The following CACNG3 variants were observed in gnomAD, a reference collection of about 807,000 sequenced individuals.
The protein encoded by CACNG3 is voltage-dependent calcium channel gamma-3 subunit.
Under a neutral mutation model 28.5 loss-of-function variants are expected in CACNG3, and 3 were observed. That is an observed-to-expected ratio of 0.11 (90% CI 0.05 to 0.27). CACNG3 has a LOEUF of 0.27. Ranked by LOEUF, CACNG3 falls within the 10% of genes least tolerant of loss-of-function variation. The pLI is 1.00. For missense variants in CACNG3, 236 were observed against 414.4 expected (o/e 0.57, Z 3.74); for synonymous variants, 174 against 162.2 (o/e 1.07, Z -0.55).
At chr16:24,263,519 A>G (rs78807512) in intron 1 of CACNG3, among the ~76,000 whole-genome samples, 1,530 of 152,330 alleles carry the variant, frequency 0.01, 29 homozygotes, top group African/African-American at 0.036. Flanking sequence ...GCCACAGCAC[A>G]CTTTTTCAAT....
chr16:24,348,424 G>T (rs9934737), intron 2 of CACNG3, among the ~76,000 whole-genome samples: 3 of 152,036 alleles, frequency 2.0e-5, no homozygotes, highest in African/African-American at 7.2e-5. Context: ...CTGGCTACAC[G>T]GTGTGGAGGA....
At chr16:24,314,355 G>A (rs188422739) in intron 1 of CACNG3, among the ~76,000 whole-genome samples, 8 of 152,224 alleles carry the variant, frequency 5.3e-5, no homozygotes, top group Admixed American at 1.3e-4. Context: ...GGCAGAAGTC[G>A]CAGCTTCTTA....
At chr16:24,299,754 C>T (rs1899081243) in intron 1 of CACNG3, among the ~76,000 whole-genome samples, 1 of 152,106 alleles carries the variant, frequency 6.6e-6, no homozygotes, top group African/African-American at 2.4e-5. Context: ...TGACGTGGTT[C>T]ATTCTAGCTT....
chr16:24,272,089 TTCTC>T (rs202023548), intron 1 of CACNG3, among the ~76,000 whole-genome samples: 1 of 150,710 alleles, frequency 6.6e-6, no homozygotes, highest in Non-Finnish European at 1.5e-5. Flanking sequence ...ATTATACATT[TTCTC>T]TCTCTCTTTT....
chr16:24,355,034 T>C, intron 3 of CACNG3, 61 bp downstream of exon 3: 2 of 1,538,214 alleles, frequency 1.3e-6, no homozygotes, highest in Non-Finnish European at 1.8e-6. Context: ...CAGGGCCACA[T>C]GGAGGAAGCA....
chr16:24,352,620 C>T (rs1899967610), intron 2 of CACNG3, among the ~76,000 whole-genome samples: 1 of 151,560 alleles, frequency 6.6e-6, no homozygotes, highest in South Asian at 2.1e-4. Flanking sequence ...CTCACTGTAG[C>T]CTCTGCCTCC....
At chr16:24,269,774 G>GAAGA (rs541843152) in intron 1 of CACNG3, among the ~76,000 whole-genome samples, 1 of 132,308 alleles carries the variant, frequency 7.6e-6, no homozygotes, top group Non-Finnish European at 1.6e-5. Context: ...AAAAGAGAAA[G>GAAGA]AAGAAAGAAA....
chr16:24,293,930 A>C (rs1350195263), intron 1 of CACNG3, among the ~76,000 whole-genome samples: 1 of 152,170 alleles, frequency 6.6e-6, no homozygotes, highest in African/African-American at 2.4e-5. Context: ...TGAATCTTCT[A>C]GACCCACATA....
chr16:24,269,801 AAGAAAG>A (rs1255985769), intron 1 of CACNG3, among the ~76,000 whole-genome samples: 1 of 150,392 alleles, frequency 6.6e-6, no homozygotes, highest in Non-Finnish European at 1.5e-5. Flanking sequence ...GAAAGAAAGA[AAGAAAG>A]AGAAAGAAAG....
intron 1 of CACNG3, among the ~76,000 whole-genome samples, chr16:24,317,581 A>G (rs557276291): frequency 7.9e-5 from 5 of 63,138 alleles, no homozygotes; most frequent in Non-Finnish European, 1.5e-4. Flanking sequence ...AAAGAAAGAA[A>G]GAAAGAAAGA....
intron 1 of CACNG3, among the ~76,000 whole-genome samples, chr16:24,283,399 T>C (rs1898855173): frequency 6.6e-6 from 1 of 152,196 alleles, no homozygotes; most frequent in Admixed American, 6.5e-5. Flanking sequence ...AACATTTTCA[T>C]CATTCAAGCC....
At chr16:24,299,140 G>A (rs940649261) in intron 1 of CACNG3, among the ~76,000 whole-genome samples, 1 of 152,124 alleles carries the variant, frequency 6.6e-6, no homozygotes, top group African/African-American at 2.4e-5. Context: ...ACTTCCTTGA[G>A]GGGGCTGTGT....
chr16:24,274,820 G>A (rs1466568054), intron 1 of CACNG3, among the ~76,000 whole-genome samples: 1 of 152,130 alleles, frequency 6.6e-6, no homozygotes, highest in East Asian at 1.9e-4. Context: ...AGAGCCTCGT[G>A]GGACGTTAGA....
chr16:24,336,057 C>T (rs1174097589), intron 1 of CACNG3, among the ~76,000 whole-genome samples: 1 of 151,840 alleles, frequency 6.6e-6, no homozygotes, highest in Non-Finnish European at 1.5e-5. Context: ...CAAGGTCTGC[C>T]TAACCCTAGG....
At chr16:24,281,012 T>C (rs1441579010) in intron 1 of CACNG3, among the ~76,000 whole-genome samples, 3 of 152,026 alleles carry the variant, frequency 2.0e-5, no homozygotes, top group African/African-American at 7.3e-5. Context: ...GCCCTATTGC[T>C]CATATACTGA....
intron 1 of CACNG3, among the ~76,000 whole-genome samples, chr16:24,262,737 TCTTC>T (rs1401717960): frequency 6.6e-6 from 1 of 152,260 alleles, no homozygotes; most frequent in African/African-American, 2.4e-5. Flanking sequence ...TCCTCTTCTT[TCTTC>T]CTCAAACCCA....
chr16:24,326,872 C>T (rs1302509221), intron 1 of CACNG3, among the ~76,000 whole-genome samples: 1 of 152,050 alleles, frequency 6.6e-6, no homozygotes, highest in African/African-American at 2.4e-5. Context: ...AACCTTAGCC[C>T]CTTGACCAGA....
intron 1 of CACNG3, among the ~76,000 whole-genome samples, chr16:24,287,661 C>A (rs1360682199): frequency 6.6e-6 from 1 of 152,146 alleles, no homozygotes; most frequent in Non-Finnish European, 1.5e-5. Context: ...GCAACAGAAC[C>A]ATCCTACCCA....
At chr16:24,360,721 C>T (rs1900093623) in intron 3 of CACNG3, among the ~76,000 whole-genome samples, 1 of 152,208 alleles carries the variant, frequency 6.6e-6, no homozygotes, top group South Asian at 2.1e-4. Context: ...ATGCCACCAG[C>T]TTCCCAAGCA....
Sources: allele counts gnomAD v4.1 joint callset (sites outside exome capture counted in the v4.1 genomes callset), GRCh38; gene constraint gnomAD v4.1.1; transcripts MANE v1.5; gene names NCBI Gene and HGNC (gene_info 2026-07-23, HGNC 2026-07-21).